The following SLC6A11 variants were observed in gnomAD, a reference collection of about 807,000 sequenced individuals.
The protein encoded by SLC6A11 is sodium- and chloride-dependent GABA transporter 3.
A neutral mutation model predicts 74.8 loss-of-function variants in SLC6A11; 25 were observed. The ratio of observed to expected loss-of-function variants is 0.33; its 90% confidence interval spans 0.24 to 0.47. The LOEUF is 0.47. Among genes scored for constraint, SLC6A11 ranks in the 20% least tolerant of loss-of-function variants. The pLI, the probability that SLC6A11 is intolerant of heterozygous loss-of-function variation, is 1.00. For synonymous variants in SLC6A11, 330 were observed against 330.2 expected (o/e 1.00, Z 0.01); for missense variants, 574 against 837.0 (o/e 0.69, Z 3.88).
rs2655280 is a variant in SLC6A11 at position 10,903,617 on chromosome 3, C to T, written c.892-8473C>T. ...AGACACTAAATGCATGCTTATGGTG[C>T]GGGGAAGAGGGAATAGGCTTTTTTG... On this transcript the variant is annotated intron_variant, in intron 6 of 13. Coordinates refer to ENST00000254488, the MANE Select transcript of SLC6A11 (RefSeq NM_014229.3). Among the ~76,000 whole-genome samples, 23 of 152,176 alleles carry T rather than the reference C, an allele frequency of 1.5e-4. No individual in the cohort carries two copies. The South Asian group carries it at 3.5e-3, about 23-fold the overall frequency.
chr3:10,933,555 A>C lies in SLC6A11; in HGVS notation c.1474+302A>C, dbSNP rs576003511. Among the ~76,000 whole-genome samples the C allele has an allele frequency of 6.6e-5, 10 of 152,152 alleles. No individual in the cohort carries two copies. The East Asian group carries it at 1.7e-3, about 26-fold the overall frequency. ...CATCAACATGTCTCCAAGTGGGAGG[A>C]AGTGTAATCAAGCAGCAGCCTGCAT... On this transcript the variant is annotated intron_variant, in intron 11 of 13. Transcript: ENST00000254488.
chr3:10,902,964 G>T (rs1455976389), intron 6 of SLC6A11, among the ~76,000 whole-genome samples: 1 of 152,190 alleles, frequency 6.6e-6, no homozygotes, highest in African/African-American at 2.4e-5. Context: ...CACCTTAACC[G>T]TGTGGACGAG....
chr3:10,913,053 CTTTTTT>C lies in SLC6A11; in HGVS notation c.995+873_995+878del, dbSNP rs374019258. On this transcript the variant is annotated intron_variant, in intron 7 of 13. Coordinates refer to ENST00000254488, the MANE Select transcript of SLC6A11 (RefSeq NM_014229.3). ...TAGTGGAGAAAGGAAGGAAGGTTGC[CTTTTTT>C]TTTTTTTTTTTTAACAAATGGTTCT... Among the ~76,000 whole-genome samples, 4 of 136,176 alleles carry C rather than the reference CTTTTTT, an allele frequency of 2.9e-5. No homozygotes were observed. In the East Asian group the frequency reaches 8.6e-4, roughly 29 times the overall value. The allele number at this position is 136,176 out of a possible 152,430, so 89.3% of individuals were successfully genotyped here. A position where few individuals can be genotyped will look rare whatever the true frequency, so the allele number is the denominator to read the frequency against.
chr3:10,894,546 A>G (rs1024559998), intron 6 of SLC6A11, among the ~76,000 whole-genome samples: 1 of 152,230 alleles, frequency 6.6e-6, no homozygotes, highest in Non-Finnish European at 1.5e-5. Context: ...GCACAGAAAG[A>G]CAAATACCAT....
chr3:10,932,588 T>C (rs1182587883), intron 10 of SLC6A11, among the ~76,000 whole-genome samples: 1 of 152,094 alleles, frequency 6.6e-6, no homozygotes, highest in Non-Finnish European at 1.5e-5. Flanking sequence ...GGGAATAGCA[T>C]GTGTAGAGGC....
At chr3:10,843,695 C>A (rs1694466661) in intron 4 of SLC6A11, among the ~76,000 whole-genome samples, 1 of 152,196 alleles carries the variant, frequency 6.6e-6, no homozygotes, top group Non-Finnish European at 1.5e-5. Context: ...CTTTTCAAGG[C>A]TCTGTCTTGA....
intron 6 of SLC6A11, among the ~76,000 whole-genome samples, chr3:10,876,061 G>A (rs1321616976): frequency 6.6e-6 from 1 of 152,232 alleles, no homozygotes; most frequent in African/African-American, 2.4e-5. Context: ...TTTCCAAATA[G>A]GAAATGAGGC....
chr3:10,933,390 C>T (rs1383630541), intron 11 of SLC6A11, 137 bp downstream of exon 11: 1 of 662,602 alleles, frequency 1.5e-6, no homozygotes, highest in African/African-American at 1.8e-5. Flanking sequence ...TTCAGGGATT[C>T]CTTGGCCTTT....
intron 6 of SLC6A11, among the ~76,000 whole-genome samples, chr3:10,909,561 G>T (rs1695358052): frequency 6.6e-6 from 1 of 152,154 alleles, no homozygotes; most frequent in Non-Finnish European, 1.5e-5. Context: ...AACTCTGAGG[G>T]CTTTGCTCAC....
Position 10,819,843 on chromosome 3 carries a change from T to C in SLC6A11, c.523T>C (p.Trp175Arg). 1 of 1,613,936 alleles carries C rather than the reference T, an allele frequency of 6.2e-7. No individual in the cohort carries two copies. Among genetic ancestry groups the C allele is most frequent in the Non-Finnish European group, 8.5e-7 (1 of 1,179,874 alleles). Residue 175 changes from tryptophan to arginine, a missense_variant, in exon 3 of 14, where the codon TGG becomes CGG. By Grantham distance (101) the Trp-to-Arg change is moderately radical. Around this residue, in one of 4 missense-constraint regions of SLC6A11, gnomAD observed 215 missense variants for 357.9 expected, o/e 0.60. Coordinates refer to ENST00000254488, the MANE Select transcript of SLC6A11 (RefSeq NM_014229.3). The stretch of plus-strand genomic sequence containing the variant: ...ACCCTGGGCTACCTGTGGGCATGAG[T>C]GGAACACAGGTATGGCCCCACGGAG... Reference protein sequence around the residue: ...ELPWATCGHEWNTENCVEFQK... With the variant: ...ELPWATCGHERNTENCVEFQK...
intron 6 of SLC6A11, among the ~76,000 whole-genome samples, chr3:10,895,709 T>C (rs984971117): frequency 6.6e-6 from 1 of 151,984 alleles, no homozygotes; most frequent in Non-Finnish European, 1.5e-5. Flanking sequence ...CATTTATCTA[T>C]GTAAACTTTT....
Position 10,918,501 on chromosome 3 carries a change from G to C in SLC6A11, c.1120+48G>C, listed in dbSNP as rs759920631. On this transcript the variant is annotated intron_variant, in intron 8 of 13. Coordinates refer to ENST00000254488, the MANE Select transcript of SLC6A11 (RefSeq NM_014229.3). The surrounding 1 kb of genome is among the most constrained non-coding windows in gnomAD (Gnocchi z 4.5). ...TGGAAAAGGCGGCAAGGGAGGCCAG[G>C]AGTGATGGTCATCATGGAAATGCGA... 5.1e-6 allele frequency: 8 copies of C among 1,569,120 alleles called. No individual in the cohort carries two copies. Among genetic ancestry groups the C allele is most frequent in the Admixed American group, 2.0e-5 (1 of 50,610 alleles).
intron 4 of SLC6A11, chr3:10,823,641 C>T: frequency 2.2e-6 from 1 of 444,692 alleles, no homozygotes; most frequent in South Asian, 3.0e-5. Flanking sequence ...GTTATTAGGG[C>T]AGGAAGTACT....
intron 6 of SLC6A11, among the ~76,000 whole-genome samples, chr3:10,882,404 C>T (rs1158158234): frequency 1.3e-5 from 2 of 152,158 alleles, no homozygotes; most frequent in African/African-American, 4.8e-5. Flanking sequence ...GCTCCTGGTG[C>T]ATCTCATCTG....
chr3:10,904,072 G>A (rs1022334122), intron 6 of SLC6A11, among the ~76,000 whole-genome samples: 1 of 152,252 alleles, frequency 6.6e-6, no homozygotes, highest in Admixed American at 6.5e-5. Context: ...GAACACACAG[G>A]TCATAGGACA....
chr3:10,918,350 C>T lies in SLC6A11; in HGVS notation c.1017C>T (p.Cys339=), dbSNP rs773700145. ...NCYRDCIMLC[C]LNSGTSFVAG... ...ACAGGGACTGCATCATGCTCTGTTG[C>T]CTGAACAGCGGCACCAGCTTCGTGG... The change falls in exon 8 of 14, where the codon TGC becomes TGT. Residue 339 remains cysteine, a synonymous_variant. Transcript: ENST00000254488. The surrounding 1 kb of genome is among the most constrained non-coding windows in gnomAD (Gnocchi z 4.5). The T allele has an allele frequency of 3.2e-5, 51 of 1,606,412 alleles. No homozygotes were observed. In the South Asian group the frequency reaches 5.7e-4, roughly 18 times the overall value.
At chr3:10,818,068 ATT>A (rs34707916) in intron 1 of SLC6A11, among the ~76,000 whole-genome samples, 24,566 of 137,418 alleles carry the variant, frequency 0.18, 2,423 homozygotes, top group East Asian at 0.44. Flanking sequence ...TCTGTCACAG[ATT>A]TTTTTTTTTT....
At chr3:10,838,725 G>T (rs1419748488) in intron 4 of SLC6A11, among the ~76,000 whole-genome samples, 2 of 152,152 alleles carry the variant, frequency 1.3e-5, no homozygotes. Context: ...CCCCAGCCTG[G>T]GCTATAGAGT....
chr3:10,842,962 G>T (rs925090924), intron 4 of SLC6A11, among the ~76,000 whole-genome samples: 5 of 152,162 alleles, frequency 3.3e-5, no homozygotes, highest in Non-Finnish European at 5.9e-5. Flanking sequence ...CAGACACTGA[G>T]GGTGGCTTTC....
Sources: gnomAD v4.1 joint callset for allele counts (sites outside exome capture counted in the v4.1 genomes callset) on GRCh38, gnomAD v4.1.1 for gene constraint, gnomAD v4.1.1 regional missense constraint, Gnocchi (gnomAD v3.1) non-coding constraint, MANE v1.5 for transcripts, NCBI Gene and HGNC (gene_info 2026-07-23, HGNC 2026-07-21) for gene names.